The following PAK5 variants were observed in gnomAD, a reference collection of about 807,000 sequenced individuals.
The protein encoded by PAK5 is serine/threonine-protein kinase PAK 5.
PAK5 carries 16 observed loss-of-function variants against 65.9 expected under a neutral mutation model. The ratio of observed to expected loss-of-function variants is 0.24; its 90% CI spans 0.16 to 0.37. The LOEUF (loss-of-function observed/expected upper bound fraction) is 0.37, where lower values mean the gene tolerates loss of function less well. PAK5 is among the 10% of genes least tolerant of loss of function. The pLI, the probability that PAK5 is intolerant of heterozygous loss-of-function variation, is 1.00. For missense variants in PAK5, 785 were observed against 903.9 expected (o/e 0.87, Z 1.69); for synonymous variants, 371 against 354.9 (o/e 1.05, Z -0.51).
intron 1 of PAK5, among the ~76,000 whole-genome samples, chr20:9,820,035 C>T (rs545943761): frequency 1.1e-4 from 17 of 152,196 alleles, no homozygotes; most frequent in East Asian, 3.9e-4. Flanking sequence ...TTTGAGCTCC[C>T]GATCCAACTG....
intron 1 of PAK5, among the ~76,000 whole-genome samples, chr20:9,768,410 G>A (rs1441030072): frequency 6.6e-6 from 1 of 151,950 alleles, no homozygotes; most frequent in African/African-American, 2.4e-5. Context: ...GCCCATACCT[G>A]CTGCAATATA....
At position 9,655,103 on chromosome 20, in the gene PAK5, G is replaced by A. The variant is rs139096458; in HGVS notation, c.-11-10764C>T. ...TCCACTAGACTTACTCATCCAAGCAGTTCACCACCCTGTAGGCAGACCAAT... is the reference window on the plus strand; with the variant it reads ...TCCACTAGACTTACTCATCCAAGCAATTCACCACCCTGTAGGCAGACCAAT... On this transcript the variant is annotated intron_variant, in intron 2 of 9. Coordinates refer to ENST00000353224, the MANE Select transcript of PAK5 (RefSeq NM_177990.4). 2.9e-3 allele frequency among the ~76,000 whole-genome samples: 443 copies of A among 152,166 alleles called. 1 individual carries two copies. Among genetic ancestry groups the A allele is most frequent in the Non-Finnish European group, 4.0e-3 (270 of 68,022 alleles).
intron 3 of PAK5, among the ~76,000 whole-genome samples, chr20:9,596,540 A>G (rs921871521): frequency 6.0e-5 from 9 of 150,418 alleles, no homozygotes; most frequent in South Asian, 2.1e-4. Context: ...GGAGGCTGAG[A>G]CAGGAGAATG....
intron 1 of PAK5, among the ~76,000 whole-genome samples, chr20:9,770,100 C>T (rs2048816437): frequency 6.6e-6 from 1 of 152,072 alleles, no homozygotes; most frequent in South Asian, 2.1e-4. Flanking sequence ...GAAAGGCCAA[C>T]AGATAATGCA....
At chr20:9,628,950 G>A (rs1360429565) in intron 3 of PAK5, among the ~76,000 whole-genome samples, 1 of 152,210 alleles carries the variant, frequency 6.6e-6, no homozygotes, top group Non-Finnish European at 1.5e-5. Context: ...TGTGAGGTGT[G>A]CTCCATGTGA....
intron 6 of PAK5, among the ~76,000 whole-genome samples, chr20:9,561,807 CA>C (rs1314958792): frequency 1.3e-5 from 2 of 152,148 alleles, no homozygotes; most frequent in African/African-American, 4.8e-5. Context: ...CCATCAAAAC[CA>C]AAGTTAAAGT....
At chr20:9,549,012 C>T (rs954624581) in intron 7 of PAK5, among the ~76,000 whole-genome samples, 1 of 152,012 alleles carries the variant, frequency 6.6e-6, no homozygotes, top group Non-Finnish European at 1.5e-5. Flanking sequence ...CCAGAGGACT[C>T]AGATCATAGA....
chr20:9,538,178 C>A lies in PAK5; in HGVS notation c.*1284G>T. On this transcript the variant is annotated 3_prime_UTR_variant, in exon 10 of 10. Transcript: ENST00000353224. ...CACAAAATGTATTGTAGTAGTCATTCATTTTTATCAACATTCAAGAAGATC... is the reference window on the plus strand; with the variant it reads ...CACAAAATGTATTGTAGTAGTCATTAATTTTTATCAACATTCAAGAAGATC... 4.3e-6 allele frequency: 1 copy of A among 233,428 alleles called. No individual in the cohort carries two copies. The highest frequency in any genetic ancestry group is 6.1e-5 in the East Asian group (1 of 16,512). 14.5% of individuals were successfully genotyped at this position (233,428 alleles called of 1,614,324 possible).
rs150725498 is a variant in PAK5 at position 9,618,915 on chromosome 20, G to GTTTTTTTTTTTTTTTTTT, written c.204+25192_204+25209dup. On this transcript the variant is annotated intron_variant, in intron 3 of 9. Coordinates refer to ENST00000353224, the MANE Select transcript of PAK5 (RefSeq NM_177990.4). The stretch of plus-strand genomic sequence containing the variant: ...AGATTCTTTTCTCTCTCTTTCTTTC[G>GTTTTTTTTTTTTTTTTTT]TTTTTTTTTTTTTTTTTTTTTTTTT... 2.1e-4 allele frequency among the ~76,000 whole-genome samples: 4 copies of GTTTTTTTTTTTTTTTTTT among 18,838 alleles called. 1 individual carries two copies. Among genetic ancestry groups the GTTTTTTTTTTTTTTTTTT allele is most frequent in the East Asian group, 2.2e-3 (1 of 448 alleles). The allele number at this position is 18,838 out of a possible 152,430, so 12.4% of individuals were successfully genotyped here.
At chr20:9,727,082 T>C (rs1047852085) in intron 1 of PAK5, among the ~76,000 whole-genome samples, 5 of 152,168 alleles carry the variant, frequency 3.3e-5, no homozygotes, top group African/African-American at 1.2e-4. Context: ...ACAGGGAATA[T>C]CAAACGTGTA....
At chr20:9,831,652 C>A (rs1010861545) in intron 1 of PAK5, among the ~76,000 whole-genome samples, 1 of 152,098 alleles carries the variant, frequency 6.6e-6, no homozygotes, top group African/African-American at 2.4e-5. Context: ...AAATCAGAGG[C>A]GTGCGCCACC....
chr20:9,776,720 C>T (rs2048890723), intron 1 of PAK5, among the ~76,000 whole-genome samples: 1 of 152,078 alleles, frequency 6.6e-6, no homozygotes, highest in African/African-American at 2.4e-5. Flanking sequence ...TGTGAATGAG[C>T]CTAAAAGCAG....
intron 1 of PAK5, among the ~76,000 whole-genome samples, chr20:9,832,078 T>C (rs1175452069): frequency 6.6e-6 from 1 of 152,046 alleles, no homozygotes; most frequent in Non-Finnish European, 1.5e-5. Context: ...GTCTGTTATC[T>C]TGGGACCTTA....
intron 9 of PAK5, among the ~76,000 whole-genome samples, 167 bp from the exon 10 acceptor site, chr20:9,539,784 G>A (rs1194856213): frequency 2.6e-5 from 4 of 152,158 alleles, no homozygotes; most frequent in African/African-American, 7.2e-5. Context: ...TTAACATTTC[G>A]TGTTTTCCTT....
chr20:9,634,046 C>T (rs1307312778), intron 3 of PAK5, among the ~76,000 whole-genome samples: 1 of 152,048 alleles, frequency 6.6e-6, no homozygotes, highest in East Asian at 1.9e-4. Context: ...TCTAATAATC[C>T]TTGGCAGGAG....
At position 9,643,778 on chromosome 20, in the gene PAK5, G is replaced by A. The variant is rs1271401517; in HGVS notation, c.204+347C>T. Among the ~76,000 whole-genome samples, 3 of 152,094 alleles carry A rather than the reference G, an allele frequency of 2.0e-5. No individual in the cohort carries two copies. In the East Asian group the frequency reaches 5.8e-4, roughly 29 times the overall value. On this transcript the variant is annotated intron_variant, in intron 3 of 9. Transcript: ENST00000353224. ...AAACAACAAAAGGTGGTCTAATGTT[G>A]GTCAGAGGCTATTGCTAATATTAAC... is the stretch of plus-strand genomic sequence containing the variant.
chr20:9,619,385 G>A lies in PAK5; in HGVS notation c.204+24740C>T, dbSNP rs190397865. ...TGAAAAACAATTCTATTCCTTCCACGCTTCTCTTTGAAGGAGACACACTTG... is the reference window on the plus strand; with the variant it reads ...TGAAAAACAATTCTATTCCTTCCACACTTCTCTTTGAAGGAGACACACTTG... On this transcript the variant is annotated intron_variant, in intron 3 of 9. Coordinates refer to ENST00000353224, the MANE Select transcript of PAK5 (RefSeq NM_177990.4). 1.2e-3 allele frequency among the ~76,000 whole-genome samples: 176 copies of A among 152,192 alleles called. 1 individual carries two copies. Among genetic ancestry groups the A allele is most frequent in the African/African-American group, 4.1e-3 (170 of 41,518 alleles).
chr20:9,664,181 T>C (rs536536246), intron 2 of PAK5, among the ~76,000 whole-genome samples: 1 of 152,294 alleles, frequency 6.6e-6, no homozygotes, highest in Admixed American at 6.5e-5. Flanking sequence ...GTGACGTGTC[T>C]TCTCTGGGGC....
At chr20:9,574,825 T>C (rs1379561759) in intron 4 of PAK5, among the ~76,000 whole-genome samples, 1 of 152,202 alleles carries the variant, frequency 6.6e-6, no homozygotes, top group Non-Finnish European at 1.5e-5. Context: ...TCCATTGTTA[T>C]ATTAAGTGAT....
Sources: gnomAD v4.1 joint callset for allele counts (sites outside exome capture counted in the v4.1 genomes callset) on GRCh38, gnomAD v4.1.1 for gene constraint, MANE v1.5 for transcripts, NCBI Gene and HGNC (gene_info 2026-07-23, HGNC 2026-07-21) for gene names.